The following FAM13A variants were observed in gnomAD, a reference collection of about 807,000 sequenced individuals.
The protein encoded by FAM13A is family with sequence similarity 13 member A.
FAM13A carries 76 observed loss-of-function variants against 129.6 expected under a neutral mutation model. The ratio of observed to expected loss-of-function variants is 0.59; its 90% CI spans 0.49 to 0.71. The LOEUF (loss-of-function observed/expected upper bound fraction) is 0.71. Among genes scored for constraint, FAM13A ranks in the 30% least tolerant of loss-of-function variants. The pLI, the probability that FAM13A is intolerant of heterozygous loss-of-function variation, is 0.00. For missense variants in FAM13A, 1,108 were observed against 1,249.3 expected (o/e 0.89, Z 1.70); for synonymous variants, 443 against 449.9 (o/e 0.98, Z 0.20).
chr4:88,979,393 A>G (rs1264134081), intron 4 of FAM13A, among the ~76,000 whole-genome samples: 2 of 152,198 alleles, frequency 1.3e-5, no homozygotes, highest in Admixed American at 6.5e-5. Context: ...AGTTCCTGCA[A>G]TGCTGTTTAT....
At chr4:88,749,083 G>T (rs1282436596) in intron 16 of FAM13A, 50 bp from the exon 17 acceptor site, 1 of 1,320,446 alleles carries the variant, frequency 7.6e-7, no homozygotes, top group South Asian at 1.2e-5. Flanking sequence ...AGCAGGGAAA[G>T]TAAGAAGTGT....
chr4:89,020,718 T>C (rs72665876), intron 2 of FAM13A, 49 bp from the exon 3 acceptor site: 41 of 1,244,676 alleles, frequency 3.3e-5, no homozygotes, highest in Non-Finnish European at 4.7e-5. Context: ...CTCACAGACA[T>C]GAAACGTAAA....
intron 8 of FAM13A, among the ~76,000 whole-genome samples, chr4:88,802,701 C>A (rs1354522950): frequency 6.6e-6 from 1 of 152,156 alleles, no homozygotes; most frequent in Admixed American, 6.5e-5. Context: ...TTTCTTCTCC[C>A]CTAGCCACAG....
chr4:88,989,258 A>G (rs1762648046), intron 4 of FAM13A, among the ~76,000 whole-genome samples: 1 of 152,144 alleles, frequency 6.6e-6, no homozygotes, highest in East Asian at 1.9e-4. Context: ...CTGATCTATT[A>G]GGTAAATGGA....
At chr4:88,786,051 A>C (rs1463255181) in intron 10 of FAM13A, among the ~76,000 whole-genome samples, 1 of 152,164 alleles carries the variant, frequency 6.6e-6, no homozygotes, top group Non-Finnish European at 1.5e-5. Flanking sequence ...AAAAACAATC[A>C]AGATAACTTA....
At chr4:88,849,126 T>C (rs888123315) in intron 7 of FAM13A, among the ~76,000 whole-genome samples, 1 of 152,254 alleles carries the variant, frequency 6.6e-6, no homozygotes, top group Admixed American at 6.5e-5. Flanking sequence ...GTCTAGTACA[T>C]AATAGGCATG....
intron 1 of FAM13A, among the ~76,000 whole-genome samples, chr4:89,041,495 A>G (rs1200675729): frequency 6.6e-6 from 1 of 152,234 alleles, no homozygotes; most frequent in Non-Finnish European, 1.5e-5. Context: ...CCACAAGCTT[A>G]GCGTTCCAAT....
intron 6 of FAM13A, among the ~76,000 whole-genome samples, chr4:88,862,788 AAATAAATAAACAAT>A (rs1739706786): frequency 6.6e-6 from 1 of 152,200 alleles, no homozygotes; most frequent in South Asian, 2.1e-4. Context: ...TTACGTGTAA[AAATAAATAAACAAT>A]AATAAAATGT....
At chr4:88,954,885 C>CAAAAAAAAAAAAAAAAAAAA (rs71598428) in intron 4 of FAM13A, among the ~76,000 whole-genome samples, 1 of 123,978 alleles carries the variant, frequency 8.1e-6, no homozygotes, top group Non-Finnish European at 1.7e-5. Flanking sequence ...GACTTCGTCT[C>CAAAAAAAAAAAAAAAAAAAA]AAAAAAAAAA....
intron 5 of FAM13A, among the ~76,000 whole-genome samples, chr4:88,919,109 C>T (rs1047048609): frequency 6.6e-6 from 1 of 152,192 alleles, no homozygotes; most frequent in African/African-American, 2.4e-5. Context: ...GTTGTATTCA[C>T]ACTACATTTG....
intron 13 of FAM13A, among the ~76,000 whole-genome samples, chr4:88,762,949 T>C (rs987662187): frequency 1.1e-4 from 16 of 152,194 alleles, no homozygotes; most frequent in African/African-American, 3.9e-4. Context: ...ACACTAAACA[T>C]TGTCAAAAAT....
At chr4:88,993,807 T>C (rs951120609) in intron 3 of FAM13A, among the ~76,000 whole-genome samples, 1 of 152,070 alleles carries the variant, frequency 6.6e-6, no homozygotes, top group Non-Finnish European at 1.5e-5. Flanking sequence ...AAGACCAGCC[T>C]GACCAACAAG....
At position 88,726,200 on chromosome 4, in the gene FAM13A, A is replaced by G. The variant is rs894958968; in HGVS notation, c.*2333T>C. ...AACACATCTCCCTCGGCAGAGCCAG[A>G]AACCACTGACTGACTGACTAACAAA... On this transcript the variant is annotated 3_prime_UTR_variant, in exon 24 of 24. Coordinates refer to ENST00000264344, the MANE Select transcript of FAM13A (RefSeq NM_014883.4). The G allele has an allele frequency of 6.6e-6, 1 of 152,192 alleles. No individual in the cohort carries two copies. Among genetic ancestry groups the G allele is most frequent in the African/African-American group, 2.4e-5 (1 of 41,452 alleles). 9.4% of individuals were successfully genotyped at this position (152,192 alleles called of 1,614,324 possible).
At position 88,760,477 on chromosome 4, in the gene FAM13A, G is replaced by T. The variant is rs1412671288; in HGVS notation, c.1579-1576C>A. Among the ~76,000 whole-genome samples the T allele has an allele frequency of 1.0e-4, 8 of 77,098 alleles. 3 individuals are homozygous for T. The highest frequency in any genetic ancestry group is 1.5e-4 in the Non-Finnish European group (4 of 26,876). 50.6% of individuals were successfully genotyped at this position (77,098 alleles called of 152,430 possible). ...AAATTAGCCGGGCGTGGTGGCGGGC[G>T]CCTGTGGTCCCGGCTACTCGGGAGG... On this transcript the variant is annotated intron_variant, in intron 13 of 23. Transcript: ENST00000264344.
intron 1 of FAM13A, among the ~76,000 whole-genome samples, chr4:89,034,006 G>A (rs146555166): frequency 1.3e-5 from 2 of 152,074 alleles, no homozygotes; most frequent in South Asian, 2.1e-4. Flanking sequence ...ATATCCTTGC[G>A]AACATCAGGC....
intron 2 of FAM13A, among the ~76,000 whole-genome samples, chr4:89,022,846 T>G (rs1459979755): frequency 6.6e-6 from 1 of 152,114 alleles, no homozygotes; most frequent in Non-Finnish European, 1.5e-5. Flanking sequence ...CAACGACCAG[T>G]GAATAACTGA....
At position 88,787,550 on chromosome 4, in the gene FAM13A, C is replaced by T. The variant is rs925176943; in HGVS notation, c.1271+203G>A. Among the ~76,000 whole-genome samples, 15 of 152,168 alleles carry T rather than the reference C, an allele frequency of 9.9e-5. No individual in the cohort carries two copies. The South Asian group carries it at 2.5e-3, about 25-fold the overall frequency. On this transcript the variant is annotated intron_variant, in intron 10 of 23. Coordinates refer to ENST00000264344, the MANE Select transcript of FAM13A (RefSeq NM_014883.4). ...CAACATACCAAATGTCTGGATGAAA[C>T]GGAAATATTTATGCAATTACCTATG...
chr4:88,843,496 A>G (rs569924736), intron 7 of FAM13A, among the ~76,000 whole-genome samples: 1 of 152,366 alleles, frequency 6.6e-6, no homozygotes, highest in Non-Finnish European at 1.5e-5. Context: ...ACACATGTTC[A>G]GGAAGTAATT....
At chr4:88,860,352 C>A (rs1486110038) in intron 6 of FAM13A, among the ~76,000 whole-genome samples, 2 of 152,216 alleles carry the variant, frequency 1.3e-5, no homozygotes, top group East Asian at 3.8e-4. Context: ...GGATTCTGTG[C>A]TGTAAGACTT....
Sources: gnomAD v4.1 joint callset for allele counts (sites outside exome capture counted in the v4.1 genomes callset) on GRCh38, gnomAD v4.1.1 for gene constraint, MANE v1.5 for transcripts, NCBI Gene and HGNC (gene_info 2026-07-23, HGNC 2026-07-21) for gene names.